The following MET variants were observed in gnomAD, a reference collection of about 807,000 sequenced individuals.
The protein encoded by MET is hepatocyte growth factor receptor.
MET carries 48 observed loss-of-function variants against 133.1 expected under a neutral mutation model. That is an observed-to-expected ratio of 0.36 (90% CI 0.29 to 0.46). The LOEUF is 0.46. MET is among the 20% of genes least tolerant of loss of function. MET has a pLI of 1.00. For synonymous variants in MET, 628 were observed against 616.5 expected (o/e 1.02, Z -0.28); for missense variants, 1,442 against 1,695.9 (o/e 0.85, Z 2.63).
intron 1 of MET, among the ~76,000 whole-genome samples, chr7:116,684,613 AG>A (rs1468629302): frequency 3.3e-5 from 5 of 152,220 alleles, no homozygotes; most frequent in Non-Finnish European, 7.3e-5. Context: ...TGTGAAGTTG[AG>A]GGCAAGAATA....
intron 2 of MET, among the ~76,000 whole-genome samples, chr7:116,722,470 A>G (rs1792533190): frequency 6.6e-6 from 1 of 151,348 alleles, no homozygotes; most frequent in Non-Finnish European, 1.5e-5. Context: ...TGGAGCATTT[A>G]GTCCATTTAC....
At chr7:116,752,881 C>T (rs1456899150) in intron 5 of MET, among the ~76,000 whole-genome samples, 1 of 152,168 alleles carries the variant, frequency 6.6e-6, no homozygotes, top group African/African-American at 2.4e-5. Flanking sequence ...GAAGCCTCCT[C>T]ATTAGAAGAG....
At chr7:116,687,753 A>C (rs1316481945) in intron 1 of MET, among the ~76,000 whole-genome samples, 1 of 152,236 alleles carries the variant, frequency 6.6e-6, no homozygotes, top group Non-Finnish European at 1.5e-5. Context: ...TAAGCAAAAT[A>C]AATTCAGACC....
chr7:116,758,991 T>C lies in MET; in HGVS notation c.2264+371T>C, dbSNP rs575485755. Reference sequence around the variant, plus strand: ...CCATTCTCTAGATATGTTTTTGTCCTGCCTGCTTTACACACAGCTTTTCTT... The same window carrying C: ...CCATTCTCTAGATATGTTTTTGTCCCGCCTGCTTTACACACAGCTTTTCTT... On this transcript the variant is annotated intron_variant, in intron 9 of 20. Transcript: ENST00000397752. Among the ~76,000 whole-genome samples the C allele has an allele frequency of 3.3e-5, 5 of 152,358 alleles. 1 individual carries two copies. The highest frequency in any genetic ancestry group is 2.1e-4 in the South Asian group (1 of 4,828).
In MET at chr7:116,731,702, G is replaced by C. The variant is rs371463233; in HGVS notation, c.1235G>C (p.Arg412Pro). The C allele has an allele frequency of 6.2e-7, 1 of 1,614,072 alleles. No homozygotes were observed. Among genetic ancestry groups the C allele is most frequent in the Non-Finnish European group, 8.5e-7 (1 of 1,179,974 alleles). ...LLRNSSGCEA[R>P]RDEYRTEFTT... Reference sequence around the variant, plus strand: ...AGAAATTCATCAGGCTGTGAAGCGCGCCGTGATGAATATCGAACAGAGTTT... The same window carrying C: ...AGAAATTCATCAGGCTGTGAAGCGCCCCGTGATGAATATCGAACAGAGTTT... The change falls in exon 3 of 21, where the codon CGC becomes CCC. Residue 412 changes from arginine (R) to proline (P), a missense_variant. Transcript: ENST00000397752.
chr7:116,795,408 T>G (rs1006165985), intron 19 of MET, among the ~76,000 whole-genome samples: 3 of 152,238 alleles, frequency 2.0e-5, no homozygotes, highest in African/African-American at 7.2e-5. Context: ...AGATGGAATC[T>G]TCATCATCAT....
chr7:116,706,491 G>A (rs2116636691), intron 2 of MET, among the ~76,000 whole-genome samples: 1 of 152,200 alleles, frequency 6.6e-6, no homozygotes, highest in East Asian at 1.9e-4. Flanking sequence ...GAAGCATGTG[G>A]GATGCTGCAT....
chr7:116,777,597 C>A, intron 16 of MET, 128 bp downstream of exon 16: 1 of 894,250 alleles, frequency 1.1e-6, no homozygotes, highest in Non-Finnish European at 1.8e-6. Flanking sequence ...AATTATGGGC[C>A]TAATCCTGAA....
rs139535303 is a variant in MET at position 116,797,344 on chromosome 7, G to A, written c.*1220G>A. The A allele has an allele frequency of 2.3e-3, 527 of 228,494 alleles. No individual in the cohort carries two copies. The highest frequency in any genetic ancestry group is 0.01 in the African/African-American group (470 of 45,098). The allele number at this position is 228,494 out of a possible 1,614,324, so 14.2% of individuals were successfully genotyped here. On this transcript the variant is annotated 3_prime_UTR_variant, in exon 21 of 21. Transcript: ENST00000397752. ...GGATGGATTGAAAAGATTAGCCTCT[G>A]TCTCGGTGGCAGGTTCCCACCTCGC...
At chr7:116,734,231 T>C (rs1327756937) in intron 3 of MET, among the ~76,000 whole-genome samples, 2 of 152,222 alleles carry the variant, frequency 1.3e-5, no homozygotes, top group Non-Finnish European at 2.9e-5. Flanking sequence ...GACATTTTTT[T>C]TCCCCCCAAA....
Position 116,701,935 on chromosome 7 carries a change from G to A in MET, c.1200+1651G>A, listed in dbSNP as rs77603709. Among the ~76,000 whole-genome samples, 1,042 of 152,084 alleles carry A rather than the reference G, an allele frequency of 6.9e-3. 5 individuals carry two copies. The highest frequency in any genetic ancestry group is 0.01 in the Middle Eastern group (3 of 294). On this transcript the variant is annotated intron_variant, in intron 2 of 20. Transcript: ENST00000397752. Reference sequence around the variant, plus strand: ...TCTTTGTTAAAAATTAAAAAGAAGGGTAGGGCAAGAAAAAAATTAAAAAGA... The same window carrying A: ...TCTTTGTTAAAAATTAAAAAGAAGGATAGGGCAAGAAAAAAATTAAAAAGA...
At chr7:116,732,108 G>A (rs1228381644) in intron 3 of MET, among the ~76,000 whole-genome samples, 3 of 152,070 alleles carry the variant, frequency 2.0e-5, no homozygotes, top group African/African-American at 7.2e-5. Context: ...AGAATGGTGT[G>A]GCATTTTTTT....
intron 19 of MET, among the ~76,000 whole-genome samples, chr7:116,785,174 G>T (rs914645757): frequency 6.6e-6 from 1 of 152,224 alleles, no homozygotes; most frequent in African/African-American, 2.4e-5. Flanking sequence ...GCTCTACAGG[G>T]CTCAGCCCCA....
rs757925979 is a variant in MET at position 116,771,866 on chromosome 7, G to C, written c.2905G>C (p.Val969Leu). ...KQIKDLGSELVRYDARVHTPH... is the reference protein window; with the variant it reads ...KQIKDLGSELLRYDARVHTPH... ...GTTTTAAGATCTGGGCAGTGAATTA[G>C]TTCGCTACGATGCAAGAGTACACAC... Residue 969 changes from valine to leucine, a missense_variant, in exon 14 of 21, where the codon GTT becomes CTT. By Grantham distance (32) the Val-to-Leu change is conservative. Around this residue, in one of 6 missense-constraint regions of MET, gnomAD observed 514 missense variants for 659.6 expected, o/e 0.78. Coordinates refer to ENST00000397752, the MANE Select transcript of MET (RefSeq NM_000245.4). 2 of 1,613,840 alleles carry C rather than the reference G, an allele frequency of 1.2e-6. No individual in the cohort carries two copies. The highest frequency in any genetic ancestry group is 4.5e-5 in the East Asian group (2 of 44,850).
At position 116,774,907 on chromosome 7, in the gene MET, G is replaced by A. The variant is rs950642030; in HGVS notation, c.3055G>A (p.Gly1019Ser). 1 of 1,613,948 alleles carries A rather than the reference G, an allele frequency of 6.2e-7. No homozygotes were observed. Among genetic ancestry groups the A allele is most frequent in the Non-Finnish European group, 8.5e-7 (1 of 1,179,956 alleles). Residue 1019 changes from glycine (G) to serine (S), a missense_variant, in exon 15 of 21, where the codon GGT (glycine) becomes AGT (serine). By Grantham distance (56) the Gly-to-Ser change is moderately conservative. Coordinates refer to ENST00000397752, the MANE Select transcript of MET (RefSeq NM_000245.4). The part of the protein sequence containing the change: ...EDQFPNSSQN[G>S]SCRQVQYPLT... ...TCAGTTTCCTAATTCATCTCAGAAC[G>A]GTTCATGCCGACAAGTGCAGTATCC...
At chr7:116,710,837 G>A (rs1229135891) in intron 2 of MET, among the ~76,000 whole-genome samples, 1 of 152,094 alleles carries the variant, frequency 6.6e-6, no homozygotes, top group African/African-American at 2.4e-5. Flanking sequence ...AAAAAAGAAG[G>A]ATTATGAAAT....
At chr7:116,764,132 T>G (rs1562926295) in intron 11 of MET, among the ~76,000 whole-genome samples, 2 of 152,190 alleles carry the variant, frequency 1.3e-5, no homozygotes, top group African/African-American at 4.8e-5. Context: ...GTCATCTCCA[T>G]CTAAGTAATA....
In MET at chr7:116,694,875, C is replaced by T. The variant is rs975687250; in HGVS notation, c.-14-4196C>T. Among the ~76,000 whole-genome samples, 8 of 152,030 alleles carry T rather than the reference C, an allele frequency of 5.3e-5. No homozygotes were observed. In the South Asian group the frequency reaches 1.2e-3, roughly 24 times the overall value. On this transcript the variant is annotated intron_variant, in intron 1 of 20. Coordinates refer to ENST00000397752, the MANE Select transcript of MET (RefSeq NM_000245.4). ...CTAATTTTTGTACTTTTAGTAGAGA[C>T]GGGGTTTCACCATATTGGCCAGGAT...
intron 1 of MET, among the ~76,000 whole-genome samples, chr7:116,698,130 C>T (rs766068826): frequency 8.5e-5 from 13 of 152,168 alleles, no homozygotes; most frequent in Non-Finnish European, 1.8e-4. Context: ...AAGGCCTCTC[C>T]TTTCCAACCT....
Sources: allele counts gnomAD v4.1 joint callset (sites outside exome capture counted in the v4.1 genomes callset), GRCh38; gene constraint gnomAD v4.1.1; regional missense constraint gnomAD v4.1.1; transcripts MANE v1.5; gene names NCBI Gene and HGNC (gene_info 2026-07-23, HGNC 2026-07-21).